E4F1: variants seen among roughly 807,000 people sequenced by gnomAD.
E4F1 encodes the protein transcription factor E4F1.
In E4F1, 30 loss-of-function variants were observed where a neutral mutation model predicts 72.9. The observed-to-expected ratio is 0.41, with a 90% CI of 0.31 to 0.56. E4F1 has a LOEUF of 0.56. E4F1 is among the 20% of genes least tolerant of loss of function. E4F1 has a pLI of 0.25. For missense variants in E4F1, 1,091 were observed against 1,117.5 expected (o/e 0.98, Z 0.34); for synonymous variants, 542 against 478.2 (o/e 1.13, Z -1.74).
chr16:2,225,869 G>A (rs2093429320), intron 1 of E4F1, among the ~76,000 whole-genome samples: 1 of 151,906 alleles, frequency 6.6e-6, no homozygotes, highest in South Asian at 2.1e-4. Context: ...GCTGAGACGG[G>A]CGGATCCCGA....
intron 1 of E4F1, among the ~76,000 whole-genome samples, chr16:2,228,124 G>T (rs566973067): frequency 6.6e-6 from 1 of 152,332 alleles, no homozygotes; most frequent in Non-Finnish European, 1.5e-5. Context: ...TGCTGTCAGG[G>T]CCACCCTCTG....
chr16:2,227,658 C>T (rs2093440063), intron 1 of E4F1, among the ~76,000 whole-genome samples: 1 of 152,066 alleles, frequency 6.6e-6, no homozygotes, highest in African/African-American at 2.4e-5. Flanking sequence ...AAGCATGAGC[C>T]ACCGCCCTAA....
intron 1 of E4F1, 173 bp downstream of exon 1, chr16:2,223,943 C>G (rs752989811): frequency 6.5e-7 from 1 of 1,527,306 alleles, no homozygotes; most frequent in South Asian, 1.2e-5. Context: ...TGCTGCGACC[C>G]TCACGGGCCT....
Position 2,233,512 on chromosome 16 carries a change from C to A in E4F1, c.1131C>A (p.Asn377Lys). Residue 377 changes from asparagine (N) to lysine (K), a missense_variant, in exon 8 of 14, where the codon AAC becomes AAA. Transcript: ENST00000301727. ...ACCTGCTGCACCAGGCCATGCAGAA[C>A]TCCGGCATCGTCCTTGAGCGCGCTG... Reference protein sequence around the residue: ...RENLLHQAMQNSGIVLERAAG... With the variant: ...RENLLHQAMQKSGIVLERAAG... 6.6e-7 allele frequency: 1 copy of A among 1,518,030 alleles called. No homozygotes were observed. The highest frequency in any genetic ancestry group is 8.8e-7 in the Non-Finnish European group (1 of 1,134,028). The allele number at this position is 1,518,030 out of a possible 1,614,324, so 94.0% of individuals were successfully genotyped here.
In E4F1 at chr16:2,233,518, C is replaced by T; in HGVS notation, c.1137C>T (p.Gly379=). ...NLLHQAMQNS[G]IVLERAAGEE... Reference sequence around the variant, plus strand: ...TGCACCAGGCCATGCAGAACTCCGGCATCGTCCTTGAGCGCGCTGCTGGGG... The same window carrying T: ...TGCACCAGGCCATGCAGAACTCCGGTATCGTCCTTGAGCGCGCTGCTGGGG... Residue 379 remains glycine, a synonymous_variant, in exon 8 of 14, where the codon GGC becomes GGT. Transcript: ENST00000301727. 6.6e-7 allele frequency: 1 copy of T among 1,519,824 alleles called. No homozygotes were observed. Among genetic ancestry groups the T allele is most frequent in the Non-Finnish European group, 8.8e-7 (1 of 1,134,568 alleles). The allele number at this position is 1,519,824 out of a possible 1,614,324, so 94.1% of individuals were successfully genotyped here.
At chr16:2,230,290 G>A (rs762455232) in intron 3 of E4F1, 155 of 154,000 alleles carry the variant, frequency 1.0e-3, no homozygotes, top group Non-Finnish European at 1.5e-3. Flanking sequence ...TGCTGTGGGA[G>A]GGGCTGTTGC....
In E4F1 at chr16:2,223,681, G is replaced by C; in HGVS notation, c.68G>C (p.Arg23Pro). The C allele has an allele frequency of 6.3e-7, 1 of 1,579,682 alleles. No individual in the cohort carries two copies. Among genetic ancestry groups the C allele is most frequent in the Non-Finnish European group, 8.5e-7 (1 of 1,170,760 alleles). ...GCAGAAGCCCAGGCCGAAGCCGGGC[G>C]GGAAGCGGGCGAGGGTGCAGTTGCG... ...HTAEAQAEAG[R>P]EAGEGAVAAV... The change falls in exon 1 of 14, where the codon CGG becomes CCG. Residue 23 changes from arginine to proline, a missense_variant. By Grantham distance (103) the Arg-to-Pro change is moderately radical. This residue lies in a region of E4F1 where 362 missense variants were observed against 358.6 expected (regional missense o/e 1.01). Coordinates refer to ENST00000301727, the MANE Select transcript of E4F1 (RefSeq NM_004424.5).
intron 7 of E4F1, 85 bp downstream of exon 7, chr16:2,233,268 G>A (rs1489846677): frequency 4.0e-6 from 6 of 1,506,742 alleles, no homozygotes; most frequent in South Asian, 1.3e-5. Context: ...GGCTCCAGGG[G>A]TCTGAGCCAG....
chr16:2,227,721 G>A (rs943407744), intron 1 of E4F1, among the ~76,000 whole-genome samples: 7 of 151,758 alleles, frequency 4.6e-5, no homozygotes, highest in Non-Finnish European at 8.8e-5. Flanking sequence ...GGCTGGTCTC[G>A]AACTCCTGAC....
At chr16:2,224,391 C>G (rs895226287) in intron 1 of E4F1, among the ~76,000 whole-genome samples, 4 of 152,254 alleles carry the variant, frequency 2.6e-5, no homozygotes, top group African/African-American at 9.6e-5. Flanking sequence ...GTAACAAGCC[C>G]TTATCCTGCT....
In E4F1 at chr16:2,235,317, G is replaced by A. The variant is rs775692803; in HGVS notation, c.2100G>A (p.Ala700=). Residue 700 remains alanine (A), a synonymous_variant, in exon 14 of 14, where the codon GCG becomes GCA. Coordinates refer to ENST00000301727, the MANE Select transcript of E4F1 (RefSeq NM_004424.5). ...VQNVTMDEET[A]LGPEAAAADT... is the part of the protein sequence containing the mutation. ...ACGTCACCATGGACGAGGAGACGGC[G>A]CTGGGCCCAGAGGCGGCTGCCGCCG... 32 of 1,610,706 alleles carry A rather than the reference G, an allele frequency of 2.0e-5. 1 individual carries two copies. The highest frequency in any genetic ancestry group is 6.6e-5 in the South Asian group (6 of 91,088).
chr16:2,224,016 T>C, intron 1 of E4F1: 1 of 1,419,662 alleles, frequency 7.0e-7, no homozygotes, highest in Admixed American at 2.6e-5. Context: ...CGCGGGTTGC[T>C]GAGCCCCCGG....
In E4F1 at chr16:2,234,947, A is replaced by G. The variant is rs138635935; in HGVS notation, c.1881A>G (p.Thr627=). 7 of 1,584,750 alleles carry G rather than the reference A, an allele frequency of 4.4e-6. No homozygotes were observed. Among genetic ancestry groups the G allele is most frequent in the African/African-American group, 1.3e-5 (1 of 74,294 alleles). Reference sequence around the variant, plus strand: ...CCGTCCTCACGGAAGACCCGCACACAGTGTTGGTGGAGTTCTCGTCCGTGG... The same window carrying G: ...CCGTCCTCACGGAAGACCCGCACACGGTGTTGGTGGAGTTCTCGTCCGTGG... The part of the protein sequence containing the change: ...ATTVLTEDPH[T]VLVEFSSVVA... The change falls in exon 12 of 14, where the codon ACA becomes ACG. Residue 627 remains threonine (T), a synonymous_variant. Transcript: ENST00000301727.
intron 1 of E4F1, among the ~76,000 whole-genome samples, chr16:2,225,730 C>G (rs1183514747): frequency 6.6e-6 from 1 of 150,714 alleles, no homozygotes; most frequent in Non-Finnish European, 1.5e-5. Flanking sequence ...CCTCAGCCTC[C>G]CAAAGTGCTG....
In E4F1 at chr16:2,232,572, C is replaced by T. The variant is rs777606676; in HGVS notation, c.726C>T (p.His242=). The T allele has an allele frequency of 6.2e-7, 1 of 1,612,010 alleles. No individual in the cohort carries two copies. Reference sequence around the variant, plus strand: ...CACTCATCCGGCACCACCGGCGGCACACGGGTGAGCTGGCCGCACCTCGGG... The same window carrying T: ...CACTCATCCGGCACCACCGGCGGCATACGGGTGAGCTGGCCGCACCTCGGG... ...KGSLIRHHRR[H]TDERPYKCSK... The change falls in exon 5 of 14, where the codon CAC becomes CAT. Residue 242 remains histidine, a synonymous_variant. Transcript: ENST00000301727.
At position 2,224,616 on chromosome 16, in the gene E4F1, G is replaced by A. The variant is rs144477614; in HGVS notation, c.157+846G>A. ...CATCCTGGCCAACATGGTGAAACCC[G>A]TCTCTACTAAAAATACAAAAAAACA... On this transcript the variant is annotated intron_variant, in intron 1 of 13. Transcript: ENST00000301727. 6.6e-5 allele frequency among the ~76,000 whole-genome samples: 10 copies of A among 150,648 alleles called. No individual in the cohort carries two copies. In the East Asian group the frequency reaches 2.0e-3, roughly 30 times the overall value.
Position 2,234,235 on chromosome 16 carries a change from G to T in E4F1, c.1440G>T (p.Lys480Asn). Residue 480 changes from lysine to asparagine, a missense_variant, in exon 10 of 14, where the codon AAG becomes AAT. Physicochemically the swap from Lys to Asn is moderately conservative, Grantham distance 94. This residue lies in a region of E4F1 where 622 missense variants were observed against 628.0 expected (regional missense o/e 0.99). Coordinates refer to ENST00000301727, the MANE Select transcript of E4F1 (RefSeq NM_004424.5). ...KAFPKAYLLK[K>N]HQEVHVRERR... ...TCCCCAAGGCCTACCTGCTCAAGAA[G>T]CACCAGGAGGTGCACGTGCGTGAGC... 1 of 1,612,840 alleles carries T rather than the reference G, an allele frequency of 6.2e-7. No homozygotes were observed. The highest frequency in any genetic ancestry group is 8.5e-7 in the Non-Finnish European group (1 of 1,179,948).
At chr16:2,230,747 G>T (rs1423685085) in intron 3 of E4F1, 25 of 152,034 alleles carry the variant, frequency 1.6e-4, no homozygotes, top group Admixed American at 1.6e-3. Flanking sequence ...GCCTTTCCCT[G>T]GCATTCCTGC....
intron 1 of E4F1, among the ~76,000 whole-genome samples, chr16:2,226,243 G>A (rs1470018882): frequency 6.6e-6 from 1 of 152,246 alleles, no homozygotes; most frequent in Non-Finnish European, 1.5e-5. Context: ...GAGAAGGGCA[G>A]TGCCCTCATG....
Sources: allele counts gnomAD v4.1 joint callset (sites outside exome capture counted in the v4.1 genomes callset), GRCh38; gene constraint gnomAD v4.1.1; regional missense constraint gnomAD v4.1.1; transcripts MANE v1.5; gene names NCBI Gene and HGNC (gene_info 2026-07-23, HGNC 2026-07-21).